The following PCDH15 variants were observed in gnomAD, a reference collection of about 807,000 sequenced individuals.
The protein encoded by PCDH15 is protocadherin related 15.
Under a neutral mutation model 178.5 loss-of-function variants are expected in PCDH15, and 129 were observed. That is an observed-to-expected ratio of 0.72 (90% CI 0.63 to 0.84). The LOEUF is 0.84. Among genes scored for constraint, PCDH15 ranks in the 40% least tolerant of loss-of-function variants. The pLI is 0.00. For synonymous variants in PCDH15, 800 were observed against 732.0 expected, an observed-to-expected ratio of 1.09 and a Z score of -1.50; for missense variants, 2,230 against 2,099.9, an observed-to-expected ratio of 1.06 and a Z score of -1.21.
chr10:55,348,433 C>A (rs559918492), intron 2 of PCDH15, among the ~76,000 whole-genome samples: 1 of 151,994 alleles, frequency 6.6e-6, no homozygotes, highest in South Asian at 2.1e-4. Context: ...AATAACGAGG[C>A]CCTAATGCTT....
At chr10:54,511,717 A>T (rs940321530) in intron 3 of PCDH15, among the ~76,000 whole-genome samples, 1 of 152,214 alleles carries the variant, frequency 6.6e-6, no homozygotes, top group Non-Finnish European at 1.5e-5. Flanking sequence ...ACTTTCTAAA[A>T]TATGACTGAA....
intron 2 of PCDH15, among the ~76,000 whole-genome samples, chr10:55,551,513 G>A (rs967814747): frequency 6.6e-6 from 1 of 151,578 alleles, no homozygotes; most frequent in Non-Finnish European, 1.5e-5. Context: ...GTCAATTTGA[G>A]GAAAAAACAT....
At chr10:55,118,450 C>A (rs1278270218) in intron 2 of PCDH15, among the ~76,000 whole-genome samples, 1 of 152,076 alleles carries the variant, frequency 6.6e-6, no homozygotes, top group Admixed American at 6.6e-5. Flanking sequence ...ATTCAACTTC[C>A]CTTACAATGA....
At chr10:55,548,210 G>GCGCACACACA (rs386371439) in intron 2 of PCDH15, among the ~76,000 whole-genome samples, 94 of 121,286 alleles carry the variant, frequency 7.8e-4, no homozygotes, top group South Asian at 2.2e-3. Flanking sequence ...AATGCCTAAT[G>GCGCACACACA]CACACACACA....
At chr10:55,307,271 G>A (rs374226539) in intron 1 of PCDH15, among the ~76,000 whole-genome samples, 1 of 152,004 alleles carries the variant, frequency 6.6e-6, no homozygotes, top group South Asian at 2.1e-4. Flanking sequence ...GGGAGGCCGA[G>A]GCAGGCGGAT....
intron 1 of PCDH15, among the ~76,000 whole-genome samples, chr10:55,272,844 A>C (rs1842481690): frequency 6.6e-6 from 1 of 151,868 alleles, no homozygotes; most frequent in Admixed American, 6.6e-5. Context: ...TTCTCCCCCC[A>C]GCCTGTCTAA....
intron 2 of PCDH15, among the ~76,000 whole-genome samples, chr10:54,532,387 A>G (rs1294136352): frequency 2.6e-5 from 4 of 152,132 alleles, no homozygotes; most frequent in Admixed American, 2.6e-4. Context: ...CTTTTCCCAA[A>G]GCAAAATAGT....
intron 2 of PCDH15, among the ~76,000 whole-genome samples, chr10:55,580,364 T>A (rs189687782): frequency 0.011 from 1,716 of 150,222 alleles, 45 homozygotes; most frequent in African/African-American, 0.039. Context: ...TTTTTTATTT[T>A]TTTTTTTTTT....
intron 2 of PCDH15, among the ~76,000 whole-genome samples, chr10:55,619,897 A>T (rs1210296309): frequency 6.6e-6 from 1 of 152,064 alleles, no homozygotes; most frequent in Non-Finnish European, 1.5e-5. Context: ...TTATTTATTA[A>T]TTAAATTTTT....
Position 54,236,121 on chromosome 10 carries a change from C to T in PCDH15, c.985+702G>A, listed in dbSNP as rs373925169. Among the ~76,000 whole-genome samples the T allele has an allele frequency of 4.6e-5, 7 of 152,186 alleles. No homozygotes were observed. The South Asian group carries it at 1.0e-3, about 23-fold the overall frequency. The stretch of plus-strand genomic sequence containing the variant: ...TTTTCAAGCACACTTCAAAAGAAGC[C>T]CTTTCTCCCTTAAAAGATATATAGC... On this transcript the variant is annotated intron_variant, in intron 9 of 37. Transcript: ENST00000644397.
chr10:54,265,780 T>G (rs11004188), intron 8 of PCDH15, among the ~76,000 whole-genome samples: 106,907 of 151,866 alleles, frequency 0.7, 38,535 homozygotes, highest in Middle Eastern at 0.76. Context: ...CATAAAGAAA[T>G]CACTACTAGA....
At chr10:54,575,920 A>G (rs188985051) in intron 2 of PCDH15, among the ~76,000 whole-genome samples, 87 of 152,286 alleles carry the variant, frequency 5.7e-4, no homozygotes, top group Middle Eastern at 3.4e-3. Context: ...CTAGGGAGTA[A>G]CTACAGTTTT....
At chr10:54,749,604 T>G (rs984786326) in intron 1 of PCDH15, among the ~76,000 whole-genome samples, 2 of 152,144 alleles carry the variant, frequency 1.3e-5, no homozygotes, top group African/African-American at 2.4e-5. Context: ...GAACTAAAAT[T>G]AGGCAGAGTA....
intron 2 of PCDH15, among the ~76,000 whole-genome samples, chr10:55,331,837 T>A (rs1405313135): frequency 1.3e-5 from 2 of 152,026 alleles, no homozygotes; most frequent in Admixed American, 6.6e-5. Flanking sequence ...GCAAAATACA[T>A]CTTCAATAGT....
chr10:55,535,694 A>G (rs1042796557), intron 2 of PCDH15, among the ~76,000 whole-genome samples: 7 of 152,186 alleles, frequency 4.6e-5, no homozygotes, highest in Admixed American at 3.3e-4. Flanking sequence ...AGAATTAAAT[A>G]CTCCTTAGTA....
intron 3 of PCDH15, among the ~76,000 whole-genome samples, chr10:54,469,979 G>A (rs950822108): frequency 3.3e-5 from 5 of 152,156 alleles, no homozygotes; most frequent in Non-Finnish European, 7.3e-5. Context: ...TAGTGTAGGT[G>A]GGGCAGGATG....
At chr10:54,606,005 C>T (rs1018316012) in intron 2 of PCDH15, 1 of 152,108 alleles carries the variant, frequency 6.6e-6, no homozygotes, top group African/African-American at 2.4e-5. Context: ...ATCCACATGC[C>T]TGTTTAAAAT....
At chr10:54,509,211 T>C (rs889223731) in intron 3 of PCDH15, among the ~76,000 whole-genome samples, 1 of 152,064 alleles carries the variant, frequency 6.6e-6, no homozygotes, top group African/African-American at 2.4e-5. Context: ...TCTTGAATTG[T>C]AGCTCCCATA....
intron 2 of PCDH15, among the ~76,000 whole-genome samples, chr10:54,907,398 C>G (rs1006344432): frequency 2.0e-5 from 3 of 152,090 alleles, no homozygotes; most frequent in Admixed American, 6.6e-5. Context: ...CACTATAAAT[C>G]CCCCCTGCAA....
Sources: allele counts gnomAD v4.1 joint callset (sites outside exome capture counted in the v4.1 genomes callset), GRCh38; gene constraint gnomAD v4.1.1; transcripts MANE v1.5; gene names NCBI Gene and HGNC (gene_info 2026-07-23, HGNC 2026-07-21).